Variants in CHSY3 observed in about 807,000 individuals in gnomAD.
CHSY3 encodes N-acetylgalactosaminyl-proteoglycan 3-beta-glucuronosyltransferase 3.
CHSY3 carries 35 observed loss-of-function variants against 67.2 expected under a neutral mutation model. The observed-to-expected ratio is 0.52, with a 90% confidence interval of 0.40 to 0.69. CHSY3 has a LOEUF of 0.69. Among genes scored for constraint, CHSY3 ranks in the 30% least tolerant of loss-of-function variants. The pLI is 0.00. For missense variants in CHSY3, 1,069 were observed against 1,138.5 expected, an observed-to-expected ratio of 0.94 and a Z score of 0.88; for synonymous variants, 474 against 434.7, an observed-to-expected ratio of 1.09 and a Z score of -1.12.
intron 2 of CHSY3, among the ~76,000 whole-genome samples, chr5:130,095,365 G>T (rs1026902439): frequency 6.6e-6 from 1 of 152,138 alleles, no homozygotes; most frequent in African/African-American, 2.4e-5. Context: ...TGCATCTAGA[G>T]CATCTTGCTA....
intron 2 of CHSY3, among the ~76,000 whole-genome samples, 183 bp from the exon 3 acceptor site, chr5:130,184,046 C>G (rs937481512): frequency 2.0e-5 from 3 of 151,498 alleles, no homozygotes; most frequent in African/African-American, 7.3e-5. Context: ...TTTCATCTAC[C>G]AATTACAAAT....
chr5:130,128,229 G>GGTGTGTGTGTGT (rs112570550), intron 2 of CHSY3, among the ~76,000 whole-genome samples: 5,916 of 147,404 alleles, frequency 0.04, 350 homozygotes, highest in African/African-American at 0.11. Flanking sequence ...AAGAAAATGT[G>GGTGTGTGTGTGT]GTGTGTGTGT....
intron 2 of CHSY3, among the ~76,000 whole-genome samples, chr5:130,061,731 C>T (rs754116278): frequency 3.3e-5 from 5 of 151,906 alleles, no homozygotes; most frequent in African/African-American, 4.8e-5. Flanking sequence ...CCACTGAAAG[C>T]TGGGCAAAGG....
At chr5:130,094,491 G>A (rs1425666188) in intron 2 of CHSY3, among the ~76,000 whole-genome samples, 1 of 152,050 alleles carries the variant, frequency 6.6e-6, no homozygotes, top group African/African-American at 2.4e-5. Context: ...CCATATACAG[G>A]ATATTGAAGT....
At position 129,930,513 on chromosome 5, in the gene CHSY3, G is replaced by C. The variant is rs989862936; in HGVS notation, c.1086+22153G>C. Among the ~76,000 whole-genome samples the C allele has an allele frequency of 3.4e-4, 50 of 147,606 alleles. 1 individual carries two copies. The highest frequency in any genetic ancestry group is 1.3e-3 in the Admixed American group (19 of 14,786). ...TTAAAAGGAGGCATCACTGGCGGGG[G>C]GGGGGTATGAAGTTTTGCCTGGAGG... On this transcript the variant is annotated intron_variant, in intron 2 of 2. Transcript: ENST00000305031.
chr5:130,090,966 G>A (rs1766857707), intron 2 of CHSY3, among the ~76,000 whole-genome samples: 1 of 152,092 alleles, frequency 6.6e-6, no homozygotes, highest in South Asian at 2.1e-4. Context: ...CTATCTGTCT[G>A]ACAAAAATGT....
intron 2 of CHSY3, among the ~76,000 whole-genome samples, chr5:129,988,564 T>A (rs184465809): frequency 1.3e-5 from 2 of 152,338 alleles, no homozygotes; most frequent in East Asian, 3.9e-4. Context: ...TTGTGTTCAC[T>A]GCTATATCCC....
chr5:130,178,628 C>A (rs190988652), intron 2 of CHSY3, among the ~76,000 whole-genome samples: 1 of 152,052 alleles, frequency 6.6e-6, no homozygotes, highest in Non-Finnish European at 1.5e-5. Context: ...TTTTTGTCTT[C>A]TTCTACCTGA....
At chr5:130,106,392 C>G (rs1056069409) in intron 2 of CHSY3, among the ~76,000 whole-genome samples, 1 of 151,612 alleles carries the variant, frequency 6.6e-6, no homozygotes, top group African/African-American at 2.4e-5. Flanking sequence ...GAGAAGAAAA[C>G]ACACTCATGG....
chr5:130,103,999 T>G (rs2149700180), intron 2 of CHSY3, among the ~76,000 whole-genome samples: 1 of 152,038 alleles, frequency 6.6e-6, no homozygotes, highest in Non-Finnish European at 1.5e-5. Flanking sequence ...ATTGATGGAC[T>G]TTAAGCATTC....
chr5:130,007,728 C>G (rs1278875445), intron 2 of CHSY3, among the ~76,000 whole-genome samples: 3 of 152,142 alleles, frequency 2.0e-5, no homozygotes, highest in Non-Finnish European at 4.4e-5. Flanking sequence ...GCCAGTTACA[C>G]TCACGCCTCA....
intron 2 of CHSY3, among the ~76,000 whole-genome samples, chr5:130,171,947 A>G (rs1009524320): frequency 6.6e-6 from 1 of 152,214 alleles, no homozygotes; most frequent in Non-Finnish European, 1.5e-5. Context: ...CTATAGTCCT[A>G]GGAAGCCAGA....
intron 2 of CHSY3, among the ~76,000 whole-genome samples, chr5:129,954,448 G>T (rs565704963): frequency 4.8e-4 from 72 of 149,106 alleles, no homozygotes; most frequent in African/African-American, 1.6e-3. Flanking sequence ...GCTTAGGATT[G>T]TCTTGGCTAT....
intron 2 of CHSY3, among the ~76,000 whole-genome samples, chr5:130,026,696 G>A (rs962721088): frequency 1.3e-5 from 2 of 151,994 alleles, no homozygotes; most frequent in Admixed American, 6.6e-5. Context: ...GTTTTAAAAA[G>A]TAAGTTGTTT....
At chr5:130,059,304 C>G (rs1765632595) in intron 2 of CHSY3, among the ~76,000 whole-genome samples, 1 of 152,034 alleles carries the variant, frequency 6.6e-6, no homozygotes, top group South Asian at 2.1e-4. Flanking sequence ...TCAAGCCTGC[C>G]AGCCTGCCGT....
chr5:130,149,631 C>G (rs1329314102), intron 2 of CHSY3, among the ~76,000 whole-genome samples: 4 of 152,104 alleles, frequency 2.6e-5, no homozygotes, highest in Admixed American at 2.6e-4. Flanking sequence ...GGACAAACAT[C>G]CAAACTATAT....
At chr5:129,929,674 A>G (rs979788145) in intron 2 of CHSY3, among the ~76,000 whole-genome samples, 8 of 152,334 alleles carry the variant, frequency 5.3e-5, no homozygotes, top group Admixed American at 2.6e-4. Flanking sequence ...CAAACTAGCT[A>G]CAACTTTGTT....
intron 2 of CHSY3, among the ~76,000 whole-genome samples, chr5:130,106,266 G>A (rs57240162): frequency 0.013 from 1,901 of 151,676 alleles, 47 homozygotes; most frequent in African/African-American, 0.043. Context: ...ACAGTCATGC[G>A]CTTACACTTT....
chr5:129,970,967 T>C (rs967308018), intron 2 of CHSY3, among the ~76,000 whole-genome samples: 2 of 151,892 alleles, frequency 1.3e-5, no homozygotes, highest in African/African-American at 4.8e-5. Flanking sequence ...CAGGTCTTTT[T>C]CATAAAGCTA....
Sources: gnomAD v4.1 joint callset for allele counts (sites outside exome capture counted in the v4.1 genomes callset) on GRCh38, gnomAD v4.1.1 for gene constraint, MANE v1.5 for transcripts, NCBI Gene and HGNC (gene_info 2026-07-23, HGNC 2026-07-21) for gene names.